Variants in KLHL29 observed in about 807,000 individuals in gnomAD.
The protein encoded by KLHL29 is kelch-like protein 29.
KLHL29 carries 21 observed loss-of-function variants against 80.4 expected under a neutral mutation model. That is an observed-to-expected ratio of 0.26 (90% CI 0.19 to 0.38). The LOEUF (loss-of-function observed/expected upper bound fraction) is 0.38, where lower values mean the gene tolerates loss of function less well. KLHL29 is among the 10% of genes least tolerant of loss of function. The probability of loss-of-function intolerance (pLI) is 1.00; values close to 1 mark genes in which losing one functional copy is unlikely to be tolerated. For synonymous variants in KLHL29, 511 were observed against 526.8 expected, an observed-to-expected ratio of 0.97 and a Z score of 0.41; for missense variants, 867 against 1,223.9, an observed-to-expected ratio of 0.71 and a Z score of 4.35.
intron 3 of KLHL29, among the ~76,000 whole-genome samples, chr2:23,629,053 C>G (rs760356699): frequency 3.9e-5 from 6 of 152,222 alleles, no homozygotes; most frequent in Non-Finnish European, 8.8e-5. Context: ...TCACCAATGC[C>G]GCGGTGACCA....
At chr2:23,670,917 G>GCGCGCGCTCT (rs150131401) in intron 5 of KLHL29, among the ~76,000 whole-genome samples, 4 of 18,534 alleles carry the variant, frequency 2.2e-4, no homozygotes, top group Admixed American at 7.2e-4. Flanking sequence ...ACATGCACGC[G>GCGCGCGCTCT]CTCTCTCTCT....
chr2:23,507,130 A>G, intron 2 of KLHL29: 1 of 448,874 alleles, frequency 2.2e-6, no homozygotes, highest in Non-Finnish European at 4.7e-6. Flanking sequence ...GTGGACCTGC[A>G]CGGGTGTGCC....
chr2:23,621,818 TA>T (rs1423353094), intron 3 of KLHL29, among the ~76,000 whole-genome samples: 1 of 152,164 alleles, frequency 6.6e-6, no homozygotes, highest in East Asian at 1.9e-4. Flanking sequence ...GGGTCCAGCA[TA>T]CCCTCCTCCC....
intron 1 of KLHL29, among the ~76,000 whole-genome samples, chr2:23,464,874 G>T (rs115121890): frequency 0.018 from 2,787 of 152,222 alleles, 41 homozygotes; most frequent in Non-Finnish European, 0.03. Context: ...GAGACAAGAT[G>T]ATTTAATCCA....
At chr2:23,520,996 C>CA (rs201686544) in intron 2 of KLHL29, among the ~76,000 whole-genome samples, 3 of 151,380 alleles carry the variant, frequency 2.0e-5, no homozygotes, top group Non-Finnish European at 4.4e-5. Flanking sequence ...AAGACCACCC[C>CA]CCCCCCCGCT....
chr2:23,574,413 G>A (rs1667792832), intron 3 of KLHL29, among the ~76,000 whole-genome samples: 1 of 152,156 alleles, frequency 6.6e-6, no homozygotes, highest in Non-Finnish European at 1.5e-5. Context: ...TACAAGCTGT[G>A]CACAAGAATG....
At chr2:23,697,316 A>G (rs930921951) in intron 11 of KLHL29, 1 of 152,144 alleles carries the variant, frequency 6.6e-6, no homozygotes, top group Non-Finnish European at 1.5e-5. Flanking sequence ...TGCCTGGGGG[A>G]AAAGCTCAGG....
intron 1 of KLHL29, among the ~76,000 whole-genome samples, chr2:23,414,373 G>A (rs1309989055): frequency 6.6e-6 from 1 of 152,256 alleles, no homozygotes; most frequent in East Asian, 1.9e-4. Flanking sequence ...TGGGAGGGAT[G>A]CTGTGGGAGA....
chr2:23,464,474 T>C (rs1274719063), intron 1 of KLHL29, among the ~76,000 whole-genome samples: 2 of 152,212 alleles, frequency 1.3e-5, no homozygotes, highest in South Asian at 2.1e-4. Flanking sequence ...GTGGGTGAGA[T>C]TGGCCCCACT....
chr2:23,629,605 G>A (rs1669418232), intron 3 of KLHL29, among the ~76,000 whole-genome samples: 1 of 152,168 alleles, frequency 6.6e-6, no homozygotes, highest in Non-Finnish European at 1.5e-5. Flanking sequence ...GCCCGGACAG[G>A]GCACATTCCA....
intron 3 of KLHL29, among the ~76,000 whole-genome samples, chr2:23,615,582 G>A (rs1296343013): frequency 6.6e-6 from 1 of 152,118 alleles, no homozygotes; most frequent in South Asian, 2.1e-4. Flanking sequence ...GAGCCGGGCC[G>A]GAGCACCTGC....
rs915414136 is a variant in KLHL29, at chr2:23,596,183, G to A, written c.285+33702G>A. Among the ~76,000 whole-genome samples the A allele has an allele frequency of 4.6e-5, 7 of 152,208 alleles. No homozygotes were observed. Among genetic ancestry groups the A allele is most frequent in the African/African-American group, 1.4e-4 (6 of 41,440 alleles). On this transcript the variant is annotated intron_variant, in intron 3 of 13. Transcript: ENST00000486442. This position sits in a 1 kb window ranked among gnomAD's most constrained non-coding sequence, Gnocchi z 4.4. Reference sequence around the variant, plus strand: ...CCAGCCGGACGGGCAGGCCGGGGGCGGGGCAGGGCAACAGCCTTGTACCCT... The same window carrying A: ...CCAGCCGGACGGGCAGGCCGGGGGCAGGGCAGGGCAACAGCCTTGTACCCT...
At chr2:23,613,763 CAAAAAAAAAAAA>C (rs1157736706) in intron 3 of KLHL29, among the ~76,000 whole-genome samples, 5 of 63,726 alleles carry the variant, frequency 7.8e-5, no homozygotes, top group South Asian at 5.7e-4. Flanking sequence ...GACTCCATCT[CAAAAAAAAAAAA>C]AAAAAAAAAA....
chr2:23,494,691 C>T (rs991240401), intron 2 of KLHL29, among the ~76,000 whole-genome samples: 1 of 152,194 alleles, frequency 6.6e-6, no homozygotes, highest in Non-Finnish European at 1.5e-5. Flanking sequence ...CCCCAAACCC[C>T]CAATCATGAT....
intron 3 of KLHL29, among the ~76,000 whole-genome samples, chr2:23,573,488 A>G (rs1200041887): frequency 6.6e-6 from 1 of 152,196 alleles, no homozygotes; most frequent in African/African-American, 2.4e-5. Flanking sequence ...GGCCCAGTCC[A>G]GGACAACCCT....
intron 1 of KLHL29, among the ~76,000 whole-genome samples, chr2:23,387,550 AAAG>A (rs1666217959): frequency 6.8e-6 from 1 of 147,534 alleles, no homozygotes; most frequent in Non-Finnish European, 1.5e-5. Flanking sequence ...ATTATTATGG[AAAG>A]AAGGTATAGA....
intron 1 of KLHL29, among the ~76,000 whole-genome samples, chr2:23,430,023 G>A (rs967466278): frequency 1.3e-5 from 2 of 152,204 alleles, no homozygotes; most frequent in African/African-American, 4.8e-5. Context: ...CCGAGTAGAG[G>A]TTGAGTTGCT....
intron 1 of KLHL29, among the ~76,000 whole-genome samples, chr2:23,461,973 G>A (rs1385770943): frequency 1.9e-5 from 1 of 53,920 alleles, no homozygotes; most frequent in Admixed American, 1.6e-4. Flanking sequence ...TGCGGTTTTT[G>A]CCATTTTTTT....
At chr2:23,649,928 C>T (rs980268942) in intron 5 of KLHL29, among the ~76,000 whole-genome samples, 1 of 152,224 alleles carries the variant, frequency 6.6e-6, no homozygotes, top group Non-Finnish European at 1.5e-5. Context: ...CACTCAGGGG[C>T]TTGAGTCATG....
Sources: allele counts gnomAD v4.1 joint callset (sites outside exome capture counted in the v4.1 genomes callset), GRCh38; gene constraint gnomAD v4.1.1; non-coding constraint Gnocchi (gnomAD v3.1); transcripts MANE v1.5; gene names NCBI Gene and HGNC (gene_info 2026-07-23, HGNC 2026-07-21).